Variants in CHLSN observed in about 807,000 individuals in gnomAD.
CHLSN encodes protein cholesin.
the CHLSN span, among the ~76,000 whole-genome samples, chr7:1,075,608 C>CTT: frequency 1.0e-4 from 14 of 136,346 alleles, 1 homozygote; most frequent in East Asian, 1.3e-3. Flanking sequence ...AATCGGGTCA[C>CTT]TTTTTTTTTT....
chr7:995,730 GCCTT>G, the CHLSN span, among the ~76,000 whole-genome samples: 3 of 152,288 alleles, frequency 2.0e-5, no homozygotes, highest in African/African-American at 7.2e-5. Context: ...TGTGCAACGT[GCCTT>G]CCTGTTTGTG....
the CHLSN span, chr7:988,985 C>T: frequency 1.7e-6 from 1 of 580,958 alleles, no homozygotes. Context: ...TCCGGTTACA[C>T]CCAGGACTAC....
the CHLSN span, chr7:1,092,414 TCATCG>T: frequency 6.2e-7 from 1 of 1,608,638 alleles, no homozygotes; most frequent in South Asian, 1.1e-5. Flanking sequence ...CCCTTCGCCA[TCATCG>T]GCCTGTGCTA....
the CHLSN span, among the ~76,000 whole-genome samples, chr7:1,096,068 G>A: frequency 6.6e-6 from 1 of 152,228 alleles, no homozygotes; most frequent in Non-Finnish European, 1.5e-5. The surrounding 1 kb of genome is among the most constrained non-coding windows in gnomAD (Gnocchi z 4.6). Flanking sequence ...CCACCACAGG[G>A]AACAGTGCTG....
the CHLSN span, among the ~76,000 whole-genome samples, chr7:990,430 C>G: frequency 1.3e-5 from 2 of 151,996 alleles, no homozygotes; most frequent in Admixed American, 6.5e-5. Context: ...CCCTGGCCCC[C>G]GTCCCAGCGC....
At chr7:1,103,765 C>T in the CHLSN span, among the ~76,000 whole-genome samples, 2 of 152,348 alleles carry the variant, frequency 1.3e-5, no homozygotes, top group South Asian at 4.1e-4. Flanking sequence ...GGCATCTCCC[C>T]AGCCCCTGAG....
chr7:1,043,727 C>T, the CHLSN span: 2 of 152,364 alleles, frequency 1.3e-5, no homozygotes, highest in African/African-American at 2.4e-5. Context: ...GTCAGGAAGC[C>T]GTCCTGTCCA....
At chr7:1,019,380 T>C in the CHLSN span, among the ~76,000 whole-genome samples, 1 of 152,100 alleles carries the variant, frequency 6.6e-6, no homozygotes, top group Non-Finnish European at 1.5e-5. Context: ...CCTGCCCCCA[T>C]GCCAGGTTGT....
the CHLSN span, among the ~76,000 whole-genome samples, chr7:1,119,198 A>G: frequency 6.6e-6 from 1 of 152,244 alleles, no homozygotes; most frequent in Non-Finnish European, 1.5e-5. Flanking sequence ...TTCAACAAGC[A>G]GAGCTGGGGC....
the CHLSN span, among the ~76,000 whole-genome samples, chr7:1,125,207 G>A: frequency 2.0e-5 from 3 of 152,208 alleles, no homozygotes; most frequent in Admixed American, 6.5e-5. Context: ...ACACTCCACC[G>A]TCCCGGGCAT....
the CHLSN span, chr7:1,082,028 C>T: frequency 6.6e-6 from 1 of 152,300 alleles, no homozygotes; most frequent in Non-Finnish European, 1.5e-5. Flanking sequence ...AAACGCCGCC[C>T]CGCAGGAGCA....
At chr7:1,007,151 A>T in the CHLSN span, among the ~76,000 whole-genome samples, 1 of 151,766 alleles carries the variant, frequency 6.6e-6, no homozygotes, top group Non-Finnish European at 1.5e-5. Flanking sequence ...ATGAGAGGAA[A>T]CTCTCCACCA....
chr7:985,623 G>A, the CHLSN span, among the ~76,000 whole-genome samples: 1 of 152,150 alleles, frequency 6.6e-6, no homozygotes, highest in Non-Finnish European at 1.5e-5. Context: ...CCCCAGAATT[G>A]CGGGGGGCTC....
chr7:1,027,690 G>A, the CHLSN span, among the ~76,000 whole-genome samples: 3 of 152,384 alleles, frequency 2.0e-5, no homozygotes, highest in Admixed American at 2.0e-4. Flanking sequence ...CCGCGCCAGT[G>A]GGGGCCGCCT....
chr7:1,090,274 A>AC, the CHLSN span, among the ~76,000 whole-genome samples: 2 of 151,666 alleles, frequency 1.3e-5, no homozygotes, highest in Non-Finnish European at 2.9e-5. Flanking sequence ...CCCCACCAGC[A>AC]CCCCCCTGTG....
At chr7:1,001,076 C>T in the CHLSN span, among the ~76,000 whole-genome samples, 1 of 152,208 alleles carries the variant, frequency 6.6e-6, no homozygotes, top group African/African-American at 2.4e-5. Context: ...CCCGCTCCTG[C>T]ACTAGGGCCT....
chr7:1,115,204 T>C, the CHLSN span, among the ~76,000 whole-genome samples: 1 of 152,268 alleles, frequency 6.6e-6, no homozygotes, highest in African/African-American at 2.4e-5. Flanking sequence ...GGAGTGTTTC[T>C]TGGGGAGAGG....
chr7:1,084,915 G>A, the CHLSN span, among the ~76,000 whole-genome samples: 2 of 152,248 alleles, frequency 1.3e-5, no homozygotes, highest in Non-Finnish European at 2.9e-5. Context: ...GGGCATGGGA[G>A]AGGACTGGGG....
At chr7:1,115,080 T>C in the CHLSN span, among the ~76,000 whole-genome samples, 11 of 152,258 alleles carry the variant, frequency 7.2e-5, no homozygotes, top group African/African-American at 2.7e-4. Context: ...TGAAAGCTCA[T>C]GCTTTGGCGG....
Sources: gnomAD v4.1 joint callset for allele counts (sites outside exome capture counted in the v4.1 genomes callset) on GRCh38, gnomAD v4.1.1 for gene constraint, Gnocchi (gnomAD v3.1) non-coding constraint, MANE v1.5 for transcripts, NCBI Gene and HGNC (gene_info 2026-07-23, HGNC 2026-07-21) for gene names.